Variants in LDLRAP1 observed in about 807,000 individuals in gnomAD.
The protein encoded by LDLRAP1 is low density lipoprotein receptor adapter protein 1.
In LDLRAP1, 30 loss-of-function variants were observed where a neutral mutation model predicts 37.8. That is an observed-to-expected ratio of 0.79 (90% CI 0.59 to 1.08). The LOEUF is 1.08. Among genes scored for constraint, LDLRAP1 ranks in the 50% least tolerant of loss-of-function variants. The pLI, the probability that LDLRAP1 is intolerant of heterozygous loss-of-function variation, is 0.00. For missense variants in LDLRAP1, 375 were observed against 401.6 expected, an observed-to-expected ratio of 0.93 and a Z score of 0.57; for synonymous variants, 156 against 169.8, an observed-to-expected ratio of 0.92 and a Z score of 0.63.
At position 25,568,051 on chromosome 1, in the gene LDLRAP1, T is replaced by G. The variant is rs1028161930; in HGVS notation, c.*1059T>G. ...TGCCAAAGCTGCTTTCTTCTCTGCC[T>G]CCTCCTCACGCAACTCACACCTCCT... is the stretch of plus-strand genomic sequence containing the variant. On this transcript the variant is annotated 3_prime_UTR_variant, in exon 9 of 9. Transcript: ENST00000374338. 1 of 152,642 alleles carries G rather than the reference T, an allele frequency of 6.6e-6. No individual in the cohort carries two copies. The highest frequency in any genetic ancestry group is 6.5e-5 in the Admixed American group (1 of 15,282). 9.5% of individuals were successfully genotyped at this position (152,642 alleles called of 1,614,324 possible).
rs2044527682 is a variant in LDLRAP1, at chr1:25,567,936, T to G, written c.*944T>G. On this transcript the variant is annotated 3_prime_UTR_variant, in exon 9 of 9. Coordinates refer to ENST00000374338, the MANE Select transcript of LDLRAP1 (RefSeq NM_015627.3). Reference sequence around the variant, plus strand: ...GATGTGTGAAACCTGACACCTAGATTTATTTGGAAATATTCTATGACCACT... The same window carrying G: ...GATGTGTGAAACCTGACACCTAGATGTATTTGGAAATATTCTATGACCACT... The G allele has an allele frequency of 6.6e-6, 1 of 151,176 alleles. No individual in the cohort carries two copies. Among genetic ancestry groups the G allele is most frequent in the African/African-American group, 2.4e-5 (1 of 40,870 alleles). 9.4% of individuals were successfully genotyped at this position (151,176 alleles called of 1,614,324 possible). A position where few individuals can be genotyped will look rare whatever the true frequency, so the allele number is the denominator to read the frequency against.
chr1:25,552,639 C>T (rs2044097774), intron 1 of LDLRAP1, among the ~76,000 whole-genome samples: 1 of 152,208 alleles, frequency 6.6e-6, no homozygotes, highest in Admixed American at 6.5e-5. Context: ...GGGGCTCTGG[C>T]AGGTGGAAGT....
chr1:25,559,369 C>T (rs569777929), intron 4 of LDLRAP1, among the ~76,000 whole-genome samples: 2 of 152,094 alleles, frequency 1.3e-5, no homozygotes, highest in South Asian at 4.1e-4. Context: ...ACAAGGGAGA[C>T]CTGGCCTGTG....
chr1:25,560,672 G>A (rs1246648107), intron 4 of LDLRAP1, among the ~76,000 whole-genome samples: 1 of 152,246 alleles, frequency 6.6e-6, no homozygotes, highest in Non-Finnish European at 1.5e-5. Context: ...AGGGCTGCTG[G>A]GGGGCATGTG....
chr1:25,566,783 G>A (rs759489767), intron 8 of LDLRAP1, 65 bp from the exon 9 acceptor site: 14 of 1,564,292 alleles, frequency 8.9e-6, no homozygotes, highest in Admixed American at 7.5e-5. Flanking sequence ...GTGCCCCCTC[G>A]CGTCTGACCC....
At chr1:25,577,284 G>C in the LDLRAP1 span, among the ~76,000 whole-genome samples, 5 of 152,198 alleles carry the variant, frequency 3.3e-5, no homozygotes, top group African/African-American at 1.2e-4. Flanking sequence ...GTGAGGAGCA[G>C]ACCCAGCTGG....
In LDLRAP1 at chr1:25,554,859, G is replaced by C; in HGVS notation, c.232-1G>C. ...TCCTCTGACTCCTGTCTGCTCCCAAGGCTAAGGCCAGTGGGAAGAAGCTGC... is the reference window on the plus strand; with the variant it reads ...TCCTCTGACTCCTGTCTGCTCCCAACGCTAAGGCCAGTGGGAAGAAGCTGC... On this transcript the variant is annotated splice_acceptor_variant, in intron 2 of 8. Transcript: ENST00000374338. LOFTEE classifies it high-confidence loss of function. The surrounding 1 kb of genome is among the most constrained non-coding windows in gnomAD (Gnocchi z 5.4). The C allele has an allele frequency of 6.2e-7, 1 of 1,612,958 alleles. No homozygotes were observed. The highest frequency in any genetic ancestry group is 8.5e-7 in the Non-Finnish European group (1 of 1,179,030).
chr1:25,546,555 T>C (rs1168352883), intron 1 of LDLRAP1, among the ~76,000 whole-genome samples: 2 of 152,164 alleles, frequency 1.3e-5, no homozygotes, highest in Non-Finnish European at 2.9e-5. Context: ...GGCCAGGCAT[T>C]TTCCTTCCAG....
chr1:25,569,629 A>G (rs2044574759), downstream of LDLRAP1, among the ~76,000 whole-genome samples: 1 of 152,204 alleles, frequency 6.6e-6, no homozygotes, highest in African/African-American at 2.4e-5. Context: ...TTATCTCAGA[A>G]CCAAAGGCAA....
the LDLRAP1 span, among the ~76,000 whole-genome samples, chr1:25,577,978 G>A: frequency 6.6e-6 from 1 of 152,230 alleles, no homozygotes; most frequent in African/African-American, 2.4e-5. Flanking sequence ...CAGGTCGGGA[G>A]CTCAGGGGGC....
chr1:25,548,492 C>T (rs897332899), intron 1 of LDLRAP1, among the ~76,000 whole-genome samples: 3 of 151,802 alleles, frequency 2.0e-5, no homozygotes, highest in East Asian at 1.9e-4. Flanking sequence ...GGATTACAGG[C>T]GCCTGCCACC....
At position 25,557,286 on chromosome 1, in the gene LDLRAP1, G is replaced by C; in HGVS notation, c.459+19G>C. The C allele has an allele frequency of 6.3e-7, 1 of 1,586,796 alleles. No homozygotes were observed. The highest frequency in any genetic ancestry group is 8.7e-7 in the Non-Finnish European group (1 of 1,154,980). On this transcript the variant is annotated intron_variant, in intron 4 of 8. Transcript: ENST00000374338. ...GAAGATGGTCAGCGGGGAGGGCTGG[G>C]GCGGGGACAGGGTCCAGTGGCCTTG...
intron 1 of LDLRAP1, among the ~76,000 whole-genome samples, chr1:25,551,768 G>A (rs2124655209): frequency 6.6e-6 from 1 of 152,270 alleles, no homozygotes; most frequent in South Asian, 2.1e-4. Flanking sequence ...CCTCATGTTG[G>A]GGTGGAGGCC....
the LDLRAP1 span, among the ~76,000 whole-genome samples, chr1:25,586,081 C>T: frequency 6.6e-6 from 1 of 152,204 alleles, no homozygotes; most frequent in African/African-American, 2.4e-5. The surrounding 1 kb of genome is among the most constrained non-coding windows in gnomAD (Gnocchi z 4.3). Context: ...GGCTGTTTCC[C>T]CTACACCTGG....
Position 25,555,527 on chromosome 1 carries a change from GA to G in LDLRAP1, c.344+556del, listed in dbSNP as rs1482652097. On this transcript the variant is annotated intron_variant, in intron 3 of 8. Transcript: ENST00000374338. The surrounding 1 kb of genome is among the most constrained non-coding windows in gnomAD (Gnocchi z 4.7). ...AGGGACAGCTCAGGTCCATTTTACA[GA>G]TGGAGAAGCTGAGGCCCAGAGAGGG... is the stretch of plus-strand genomic sequence containing the variant. Among the ~76,000 whole-genome samples, 1 of 152,206 alleles carries G rather than the reference GA, an allele frequency of 6.6e-6. No homozygotes were observed. The highest frequency in any genetic ancestry group is 1.5e-5 in the Non-Finnish European group (1 of 68,036).
chr1:25,553,819 AT>A (rs2044133809), intron 1 of LDLRAP1, 102 bp from the exon 2 acceptor site: 1 of 1,334,090 alleles, frequency 7.5e-7, no homozygotes, highest in Non-Finnish European at 1.0e-6. Context: ...GGAGACCCCC[AT>A]CCCCCTTGCT....
In LDLRAP1 at chr1:25,564,014, T is replaced by G. The variant is rs1310302942; in HGVS notation, c.747+223T>G. 1.1e-5 allele frequency: 7 copies of G among 615,402 alleles called. No individual in the cohort carries two copies. In the East Asian group the frequency reaches 2.0e-4, roughly 18 times the overall value. The allele number at this position is 615,402 out of a possible 1,614,324, so 38.1% of individuals were successfully genotyped here. The stretch of plus-strand genomic sequence containing the variant: ...CTTGGCTCCCAGCACAGCTGTCTCC[T>G]CACAATGCTTGGCCTCTTGGCCTGA... On this transcript the variant is annotated intron_variant, in intron 7 of 8. Transcript: ENST00000374338.
At chr1:25,563,500 CAGCTGCGCATCTGCTGTGGGG>C in intron 6 of LDLRAP1, 140 bp from the exon 7 acceptor site, 1 of 889,160 alleles carries the variant, frequency 1.1e-6, no homozygotes, top group Admixed American at 2.0e-5. Flanking sequence ...ACTCTGTGGG[CAGCTGCGCATCTGCTGTGGGG>C]AGGTGCCAGG....
chr1:25,559,739 A>G lies in LDLRAP1; in HGVS notation c.459+2472A>G, dbSNP rs542740771. Among the ~76,000 whole-genome samples, 3 of 152,248 alleles carry G rather than the reference A, an allele frequency of 2.0e-5. No individual in the cohort carries two copies. In the South Asian group the frequency reaches 6.2e-4, roughly 32 times the overall value. ...CTGACAGTGTGTTGGTGGCCTAGAC[A>G]TGTTGGAAATCCTAGATTCTTGGGC... On this transcript the variant is annotated intron_variant, in intron 4 of 8. Coordinates refer to ENST00000374338, the MANE Select transcript of LDLRAP1 (RefSeq NM_015627.3).
Sources: gnomAD v4.1 joint callset for allele counts (sites outside exome capture counted in the v4.1 genomes callset) on GRCh38, gnomAD v4.1.1 for gene constraint, Gnocchi (gnomAD v3.1) non-coding constraint, MANE v1.5 for transcripts, NCBI Gene and HGNC (gene_info 2026-07-23, HGNC 2026-07-21) for gene names.